Variants in GPC5 observed in about 807,000 individuals in gnomAD.
The protein encoded by GPC5 is glypican-5.
In GPC5, 47 loss-of-function variants were observed where a neutral mutation model predicts 53.9. That is an observed-to-expected ratio of 0.87 (90% CI 0.69 to 1.11). GPC5 has a LOEUF of 1.11. Among genes scored for constraint, GPC5 ranks in the 50% most tolerant of loss-of-function variants. The probability of loss-of-function intolerance (pLI) is 0.00; values close to 1 mark genes in which losing one functional copy is unlikely to be tolerated. For missense variants in GPC5, 748 were observed against 713.1 expected (o/e 1.05, Z -0.56); for synonymous variants, 286 against 263.3 (o/e 1.09, Z -0.84).
At chr13:91,797,583 G>A (rs957429706) in intron 5 of GPC5, among the ~76,000 whole-genome samples, 10 of 152,094 alleles carry the variant, frequency 6.6e-5, no homozygotes, top group Non-Finnish European at 1.5e-4. Context: ...GATATTTAAC[G>A]TATTTAACAT....
chr13:92,071,943 G>A (rs957384280), intron 6 of GPC5, among the ~76,000 whole-genome samples: 1 of 144,430 alleles, frequency 6.9e-6, no homozygotes, highest in Non-Finnish European at 1.5e-5. Context: ...ACTTACATGT[G>A]TATATTATTG....
chr13:92,744,086 A>G (rs1411201379), intron 7 of GPC5, among the ~76,000 whole-genome samples: 3 of 152,152 alleles, frequency 2.0e-5, no homozygotes, highest in Non-Finnish European at 4.4e-5. Context: ...AACCCAGGAA[A>G]GAGATTAGGG....
At chr13:91,740,649 A>C (rs1011218271) in intron 4 of GPC5, among the ~76,000 whole-genome samples, 1 of 152,186 alleles carries the variant, frequency 6.6e-6, no homozygotes, top group Non-Finnish European at 1.5e-5. Context: ...GAGGTCTCCA[A>C]AGTTGAGCAA....
chr13:91,815,221 T>A (rs1300191135), intron 5 of GPC5, among the ~76,000 whole-genome samples: 2 of 151,806 alleles, frequency 1.3e-5, no homozygotes, highest in Admixed American at 6.6e-5. Flanking sequence ...ATAATAATAA[T>A]AAATAAATAA....
At chr13:91,634,561 C>T (rs1386078011) in intron 2 of GPC5, among the ~76,000 whole-genome samples, 1 of 152,096 alleles carries the variant, frequency 6.6e-6, no homozygotes, top group Non-Finnish European at 1.5e-5. Context: ...ATTTAGCTCA[C>T]TCTTCCGATC....
At chr13:91,757,081 C>G (rs2037311421) in intron 5 of GPC5, among the ~76,000 whole-genome samples, 2 of 151,384 alleles carry the variant, frequency 1.3e-5, no homozygotes, top group East Asian at 3.9e-4. Flanking sequence ...GTTTCTTTTC[C>G]TTTATTTCCT....
At chr13:91,934,691 A>G (rs1458116398) in intron 6 of GPC5, among the ~76,000 whole-genome samples, 2 of 151,932 alleles carry the variant, frequency 1.3e-5, no homozygotes, top group Non-Finnish European at 2.9e-5. Context: ...CGATTATTGA[A>G]TGATGTGTTT....
chr13:92,860,604 T>A (rs143908962), intron 7 of GPC5, among the ~76,000 whole-genome samples: 1 of 152,250 alleles, frequency 6.6e-6, no homozygotes, highest in East Asian at 1.9e-4. Context: ...CCAAAATACA[T>A]GTGGCTAATG....
Position 91,760,492 on chromosome 13 carries a change from G to A in GPC5, c.1280+4072G>A, listed in dbSNP as rs572276403. ...ATACTACATTTGGGGATGATAGAGT[G>A]TTTTCCTGTTTTATGGGAGGTTATA... On this transcript the variant is annotated intron_variant, in intron 5 of 7. Coordinates refer to ENST00000377067, the MANE Select transcript of GPC5 (RefSeq NM_004466.6). Among the ~76,000 whole-genome samples the A allele has an allele frequency of 2.0e-5, 3 of 152,262 alleles. No homozygotes were observed. The South Asian group carries it at 6.2e-4, about 32-fold the overall frequency.
At chr13:92,353,283 A>AAAAAAAAAG (rs2043495838) in intron 7 of GPC5, among the ~76,000 whole-genome samples, 1 of 150,418 alleles carries the variant, frequency 6.6e-6, no homozygotes, top group Non-Finnish European at 1.5e-5. Context: ...AAAAAAAAAA[A>AAAAAAAAAG]AGAAATGTGT....
chr13:91,420,615 T>C (rs755183982), intron 1 of GPC5, among the ~76,000 whole-genome samples: 19 of 152,352 alleles, frequency 1.2e-4, no homozygotes, highest in South Asian at 1.0e-3. Context: ...CTATTTCCTC[T>C]CTCATATGGT....
intron 7 of GPC5, among the ~76,000 whole-genome samples, chr13:92,645,452 A>T (rs1885736680): frequency 6.6e-6 from 1 of 152,210 alleles, no homozygotes; most frequent in Non-Finnish European, 1.5e-5. Context: ...TCATGCTTGA[A>T]GAAGCTTTTT....
intron 2 of GPC5, among the ~76,000 whole-genome samples, chr13:91,457,797 C>T (rs575551706): frequency 1.3e-5 from 2 of 152,120 alleles, no homozygotes; most frequent in South Asian, 2.1e-4. Flanking sequence ...AGCACTGACA[C>T]GTGGTTGAGC....
At chr13:91,976,203 A>C (rs2040300015) in intron 6 of GPC5, among the ~76,000 whole-genome samples, 1 of 152,228 alleles carries the variant, frequency 6.6e-6, no homozygotes, top group Admixed American at 6.5e-5. Flanking sequence ...GCACACCAAC[A>C]TGGCAACATG....
At chr13:92,112,542 T>G (rs760290138) in intron 6 of GPC5, among the ~76,000 whole-genome samples, 1 of 152,150 alleles carries the variant, frequency 6.6e-6, no homozygotes. Flanking sequence ...GAATATTGCA[T>G]AATCATTGGT....
chr13:92,452,989 C>G (rs1410901786), intron 7 of GPC5, among the ~76,000 whole-genome samples: 2 of 152,160 alleles, frequency 1.3e-5, no homozygotes, highest in African/African-American at 4.8e-5. Context: ...GGCTTGAGAT[C>G]CTACTTCCTA....
intron 7 of GPC5, among the ~76,000 whole-genome samples, chr13:92,603,322 G>A (rs1884144274): frequency 6.6e-6 from 1 of 151,896 alleles, no homozygotes; most frequent in African/African-American, 2.4e-5. Context: ...TAAAGCCTAA[G>A]AAAATCTCTG....
At chr13:91,955,154 A>C (rs2040061579) in intron 6 of GPC5, among the ~76,000 whole-genome samples, 2 of 152,226 alleles carry the variant, frequency 1.3e-5, no homozygotes, top group Admixed American at 6.5e-5. Flanking sequence ...TTTATTCTCC[A>C]AAAATTAATC....
At chr13:92,174,396 G>A (rs2042093809) in intron 7 of GPC5, among the ~76,000 whole-genome samples, 1 of 151,424 alleles carries the variant, frequency 6.6e-6, no homozygotes, top group Non-Finnish European at 1.5e-5. Context: ...ATGGCCGGGT[G>A]TGGTGGCGGG....
Sources: gnomAD v4.1 joint callset for allele counts (sites outside exome capture counted in the v4.1 genomes callset) on GRCh38, gnomAD v4.1.1 for gene constraint, MANE v1.5 for transcripts, NCBI Gene and HGNC (gene_info 2026-07-23, HGNC 2026-07-21) for gene names.